Variants in ARMC9 observed in about 807,000 individuals in gnomAD.
ARMC9 encodes lisH domain-containing protein ARMC9.
ARMC9 carries 94 observed loss-of-function variants against 107.0 expected under a neutral mutation model. That is an observed-to-expected ratio of 0.88 (90% confidence interval 0.74 to 1.04). ARMC9 has a LOEUF of 1.04. ARMC9 is among the 50% of genes least tolerant of loss of function. The pLI is 0.00. For missense variants in ARMC9, 942 were observed against 1,030.1 expected (o/e 0.91, Z 1.17); for synonymous variants, 380 against 396.9 (o/e 0.96, Z 0.51).
rs762202350 is a variant in ARMC9, at chr2:231,293,418, C to A, written c.1717+1975C>A. Among the ~76,000 whole-genome samples, 7 of 152,292 alleles carry A rather than the reference C, an allele frequency of 4.6e-5. No individual in the cohort carries two copies. The South Asian group carries it at 1.4e-3, about 32-fold the overall frequency. ...AGTTCTCTGCATTCAGCCTGAGAAT[C>A]TTCTTCAAGGCCACCTGTGTGTTTT... is the stretch of plus-strand genomic sequence containing the variant. On this transcript the variant is annotated intron_variant, in intron 18 of 24. Transcript: ENST00000611582.
intron 19 of ARMC9, among the ~76,000 whole-genome samples, chr2:231,322,416 TATA>T (rs2043049357): frequency 6.6e-6 from 1 of 152,232 alleles, no homozygotes; most frequent in African/African-American, 2.4e-5. Flanking sequence ...ATAGAAGTCT[TATA>T]ATTATTTCAA....
At chr2:231,251,175 CT>C (rs927463917) in intron 9 of ARMC9, among the ~76,000 whole-genome samples, 1 of 150,806 alleles carries the variant, frequency 6.6e-6, no homozygotes, top group African/African-American at 2.4e-5. Flanking sequence ...GTTTCTTTTC[CT>C]TTTTTTTTGA....
intron 19 of ARMC9, among the ~76,000 whole-genome samples, chr2:231,315,391 T>C (rs1283938611): frequency 6.6e-6 from 1 of 151,758 alleles, no homozygotes; most frequent in Non-Finnish European, 1.5e-5. Context: ...ACAAAAAAAT[T>C]AGCCAGGCGT....
chr2:231,364,489 C>T (rs1198656780), intron 23 of ARMC9, among the ~76,000 whole-genome samples: 1 of 152,188 alleles, frequency 6.6e-6, no homozygotes, highest in Non-Finnish European at 1.5e-5. Flanking sequence ...CAGCAGCTCC[C>T]AATGGCACAT....
chr2:231,340,584 T>C (rs973274540), intron 20 of ARMC9, among the ~76,000 whole-genome samples: 19 of 152,286 alleles, frequency 1.2e-4, no homozygotes, highest in African/African-American at 4.6e-4. Context: ...ATGGAAATTT[T>C]TCCCACTAAA....
intron 20 of ARMC9, among the ~76,000 whole-genome samples, chr2:231,332,232 G>A (rs1045331293): frequency 6.6e-6 from 1 of 152,184 alleles, no homozygotes; most frequent in Non-Finnish European, 1.5e-5. Flanking sequence ...TATTGGAAGG[G>A]AATACTGAGG....
chr2:231,213,657 A>G (rs2033167743), intron 3 of ARMC9, among the ~76,000 whole-genome samples: 2 of 149,932 alleles, frequency 1.3e-5, no homozygotes, highest in South Asian at 4.3e-4. Flanking sequence ...TTGTATTTTT[A>G]GTGGAGACAG....
chr2:231,324,342 G>A (rs1486290858), intron 19 of ARMC9, among the ~76,000 whole-genome samples: 3 of 150,984 alleles, frequency 2.0e-5, no homozygotes, highest in Middle Eastern at 3.4e-3. Context: ...TGGCCAGGCT[G>A]GTCTTGAACG....
chr2:231,280,891 C>G (rs532408846), intron 16 of ARMC9, among the ~76,000 whole-genome samples: 1 of 152,176 alleles, frequency 6.6e-6, no homozygotes, highest in African/African-American at 2.4e-5. Context: ...CTAGTTCAAT[C>G]GGGAACTGAA....
rs2046124188 is a variant in ARMC9 at position 231,374,136 on chromosome 2, C to T, written c.*2601C>T. 1 of 152,104 alleles carries T rather than the reference C, an allele frequency of 6.6e-6. No individual in the cohort carries two copies. Among genetic ancestry groups the T allele is most frequent in the African/African-American group, 2.4e-5 (1 of 41,404 alleles). 9.4% of individuals were successfully genotyped at this position (152,104 alleles called of 1,614,324 possible). A position where few individuals can be genotyped will look rare whatever the true frequency, so the allele number is the denominator to read the frequency against. ...GAGCTTGCTGAGGATGGGTATGACC[C>T]CAGTCTAAGGGGAAAGAATCTAAAA... On this transcript the variant is annotated 3_prime_UTR_variant, in exon 25 of 25. Transcript: ENST00000611582.
rs1240227637 is a variant in ARMC9, at chr2:231,259,109, A to G, written c.1026+7A>G. 1.9e-6 allele frequency: 3 copies of G among 1,606,926 alleles called. No homozygotes were observed. Among genetic ancestry groups the G allele is most frequent in the Non-Finnish European group, 2.6e-6 (3 of 1,174,790 alleles). On this transcript the variant is annotated splice_region_variant and intron_variant, in intron 11 of 24. Coordinates refer to ENST00000611582, the MANE Select transcript of ARMC9 (RefSeq NM_001352754.2). ...GTTGCAGGCTCTGCGCTGGGTAGGTACCTTTGTCTTAAAGTTAGAAAACAA... is the reference window on the plus strand; with the variant it reads ...GTTGCAGGCTCTGCGCTGGGTAGGTGCCTTTGTCTTAAAGTTAGAAAACAA...
Position 231,369,961 on chromosome 2 carries a change from C to T in ARMC9, c.2270C>T (p.Ala757Val), listed in dbSNP as rs749001648. 40 of 1,514,624 alleles carry T rather than the reference C, an allele frequency of 2.6e-5. No homozygotes were observed. Among genetic ancestry groups the T allele is most frequent in the Non-Finnish European group, 3.4e-5 (39 of 1,134,474 alleles). The allele number at this position is 1,514,624 out of a possible 1,614,324, so 93.8% of individuals were successfully genotyped here. A position where few individuals can be genotyped will look rare whatever the true frequency, so the allele number is the denominator to read the frequency against. Reference protein sequence around the residue: ...PGNGVTTRECASAFTCKPRAP... With the variant: ...PGNGVTTRECVSAFTCKPRAP... ...TGCACGTTTTGTTCTAGGGAATGTG[C>T]ATCAGCCTTCACCTGCAAGCCCCGG... Residue 757 changes from alanine (A) to valine (V), a missense_variant, in exon 24 of 25, where the codon GCA becomes GTA. Transcript: ENST00000611582.
chr2:231,290,110 G>GT (rs1205224867), intron 17 of ARMC9, among the ~76,000 whole-genome samples: 2 of 152,176 alleles, frequency 1.3e-5, no homozygotes, highest in Admixed American at 6.5e-5. Context: ...CCAACAACCA[G>GT]TTATACACTT....
At chr2:231,356,488 G>A (rs1194131920) in intron 22 of ARMC9, among the ~76,000 whole-genome samples, 2 of 152,078 alleles carry the variant, frequency 1.3e-5, no homozygotes, top group Non-Finnish European at 2.9e-5. Context: ...ATTTTTGAAA[G>A]GAAATTAAAA....
chr2:231,319,915 C>A (rs1291890300), intron 19 of ARMC9, among the ~76,000 whole-genome samples: 2 of 152,176 alleles, frequency 1.3e-5, no homozygotes, highest in East Asian at 3.8e-4. Flanking sequence ...TCTCCCTCCC[C>A]TCCTTCTCTC....
At chr2:231,222,665 C>T (rs1309887492) in intron 5 of ARMC9, 63 bp from the exon 6 acceptor site, 1 of 949,894 alleles carries the variant, frequency 1.1e-6, no homozygotes, top group Non-Finnish European at 1.6e-6. Context: ...ATGACCTCAA[C>T]TTGATGATGC....
chr2:231,208,297 C>T lies in ARMC9; in HGVS notation c.177+45C>T, dbSNP rs2032322879. On this transcript the variant is annotated intron_variant, in intron 3 of 24. Transcript: ENST00000611582. ...TCATCCCTGTAGATAATTCAGGATG[C>T]TCCCAACTTGTGGAAAATGCTGCTG... is the stretch of plus-strand genomic sequence containing the variant. 3 of 1,465,170 alleles carry T rather than the reference C, an allele frequency of 2.0e-6. No homozygotes were observed. The South Asian group carries it at 3.6e-5, about 17-fold the overall frequency. 90.8% of individuals were successfully genotyped at this position (1,465,170 alleles called of 1,614,324 possible). A position where few individuals can be genotyped will look rare whatever the true frequency, so the allele number is the denominator to read the frequency against.
rs2045549257 is a variant in ARMC9, at chr2:231,360,938, C to T, written c.2261+55C>T. The T allele has an allele frequency of 5.5e-6, 8 of 1,460,728 alleles. No homozygotes were observed. The highest frequency in any genetic ancestry group is 2.8e-5 in the South Asian group (2 of 70,334). 90.5% of individuals were successfully genotyped at this position (1,460,728 alleles called of 1,614,324 possible). ...TGACTCTCGGAGCTCTGGGAGTGGGCGCCCCACGCCGGATGCAGAGCACCC... is the reference window on the plus strand; with the variant it reads ...TGACTCTCGGAGCTCTGGGAGTGGGTGCCCCACGCCGGATGCAGAGCACCC... On this transcript the variant is annotated intron_variant, in intron 23 of 24. Coordinates refer to ENST00000611582, the MANE Select transcript of ARMC9 (RefSeq NM_001352754.2). The surrounding 1 kb of genome is among the most constrained non-coding windows in gnomAD (Gnocchi z 4.7).
In ARMC9 at chr2:231,267,378, G is replaced by A. The variant is rs1250167936; in HGVS notation, c.1120-3604G>A. ...CCTGAGTGGCTGGGACTACAGGTGCGCGTCACCATGCCCAGCTAATTGTTG... is the reference window on the plus strand; with the variant it reads ...CCTGAGTGGCTGGGACTACAGGTGCACGTCACCATGCCCAGCTAATTGTTG... On this transcript the variant is annotated intron_variant, in intron 12 of 24. Transcript: ENST00000611582. 3.3e-5 allele frequency among the ~76,000 whole-genome samples: 5 copies of A among 152,060 alleles called. 1 individual carries two copies. The highest frequency in any genetic ancestry group is 1.2e-4 in the African/African-American group (5 of 41,416).
Sources: gnomAD v4.1 joint callset for allele counts (sites outside exome capture counted in the v4.1 genomes callset) on GRCh38, gnomAD v4.1.1 for gene constraint, Gnocchi (gnomAD v3.1) non-coding constraint, MANE v1.5 for transcripts, NCBI Gene and HGNC (gene_info 2026-07-23, HGNC 2026-07-21) for gene names.